CIB4: variants seen among roughly 807,000 people sequenced by gnomAD.
The protein encoded by CIB4 is calcium and integrin-binding family member 4.
In CIB4, 25 loss-of-function variants were observed where a neutral mutation model predicts 25.8. That is an observed-to-expected ratio of 0.97 (90% CI 0.71 to 1.35). CIB4 has a LOEUF of 1.35. CIB4 is among the 40% of genes most tolerant of loss of function. The pLI, the probability that CIB4 is intolerant of heterozygous loss-of-function variation, is 0.00. For synonymous variants in CIB4, 75 were observed against 81.4 expected (o/e 0.92, Z 0.42); for missense variants, 235 against 228.2 (o/e 1.03, Z -0.19).
chr2:26,607,471 G>A (rs1319256053), intron 3 of CIB4, among the ~76,000 whole-genome samples: 1 of 152,164 alleles, frequency 6.6e-6, no homozygotes, highest in East Asian at 1.9e-4. Flanking sequence ...AATAGCTTGT[G>A]ATCAACTCTA....
At chr2:26,590,166 C>T (rs567044069) in intron 4 of CIB4, among the ~76,000 whole-genome samples, 15 of 149,700 alleles carry the variant, frequency 1.0e-4, no homozygotes, top group African/African-American at 2.2e-4. Context: ...GCTGCTCATT[C>T]GAGCCATCCA....
chr2:26,637,452 A>G (rs1049134981), intron 2 of CIB4, among the ~76,000 whole-genome samples: 1 of 151,282 alleles, frequency 6.6e-6, no homozygotes, highest in African/African-American at 2.4e-5. Flanking sequence ...GTTTTTTTTA[A>G]TTCCTTTACT....
intron 3 of CIB4, among the ~76,000 whole-genome samples, chr2:26,599,458 G>A (rs1019706400): frequency 1.3e-5 from 2 of 152,008 alleles, no homozygotes; most frequent in Admixed American, 6.6e-5. Context: ...AAAGTCAGAG[G>A]AAAAATATTT....
rs868502487 is a variant in CIB4 at position 26,600,250 on chromosome 2, C to A, written c.187-4933G>T. On this transcript the variant is annotated intron_variant, in intron 3 of 6. Coordinates refer to ENST00000288861, the MANE Select transcript of CIB4 (RefSeq NM_001029881.3). ...CGAAACCCGTCTCTACTAAAAAATACAAAAATTAGCCAGGCGTGGTGGTGA... is the reference window on the plus strand; with the variant it reads ...CGAAACCCGTCTCTACTAAAAAATAAAAAAATTAGCCAGGCGTGGTGGTGA... Among the ~76,000 whole-genome samples the A allele has an allele frequency of 2.4e-4, 36 of 151,196 alleles. 1 individual carries two copies. Among genetic ancestry groups the A allele is most frequent in the African/African-American group, 7.8e-4 (32 of 41,006 alleles).
chr2:26,619,606 A>C (rs1669163231), intron 3 of CIB4, among the ~76,000 whole-genome samples: 1 of 152,204 alleles, frequency 6.6e-6, no homozygotes, highest in Admixed American at 6.5e-5. Context: ...ACCCACAAAA[A>C]CATAGAGACC....
intron 3 of CIB4, among the ~76,000 whole-genome samples, chr2:26,597,380 T>C (rs1226947552): frequency 6.6e-6 from 1 of 151,402 alleles, no homozygotes; most frequent in Non-Finnish European, 1.5e-5. Flanking sequence ...TTAAGACATA[T>C]AGCCCATGAC....
intron 3 of CIB4, among the ~76,000 whole-genome samples, chr2:26,598,608 C>T (rs1347023373): frequency 1.3e-5 from 2 of 152,122 alleles, no homozygotes; most frequent in East Asian, 1.9e-4. Context: ...ACCAGAGCTG[C>T]GATTGGGTCC....
chr2:26,641,139 G>A lies in CIB4; in HGVS notation c.54+122C>T, dbSNP rs922077844. The A allele has an allele frequency of 1.5e-5, 12 of 777,726 alleles. No individual in the cohort carries two copies. The Admixed American group carries it at 2.1e-4, about 14-fold the overall frequency. The allele number at this position is 777,726 out of a possible 1,614,324, so 48.2% of individuals were successfully genotyped here. A position where few individuals can be genotyped will look rare whatever the true frequency, so the allele number is the denominator to read the frequency against. On this transcript the variant is annotated intron_variant, in intron 1 of 6. Coordinates refer to ENST00000288861, the MANE Select transcript of CIB4 (RefSeq NM_001029881.3). ...CCCAAGACAATTCTTCTTCCAATGT[G>A]GCCCAGGGAAGCCAAAAATTGGACA...
At chr2:26,640,042 C>T (rs1332390898) in intron 2 of CIB4, among the ~76,000 whole-genome samples, 2 of 151,552 alleles carry the variant, frequency 1.3e-5, no homozygotes, top group Non-Finnish European at 2.9e-5. Flanking sequence ...CGGGGCTGCT[C>T]ACCACCCCAC....
chr2:26,583,380 C>A (rs537966251), intron 5 of CIB4, among the ~76,000 whole-genome samples: 13 of 152,150 alleles, frequency 8.5e-5, no homozygotes, highest in Admixed American at 2.0e-4. Context: ...CTCCAGGACA[C>A]CTGGGCACTG....
intron 2 of CIB4, among the ~76,000 whole-genome samples, chr2:26,632,832 T>C (rs769095689): frequency 2.6e-5 from 4 of 151,894 alleles, no homozygotes; most frequent in Non-Finnish European, 2.9e-5. Context: ...AAAGGAGCAT[T>C]TTGTCACTGT....
At chr2:26,598,498 G>A (rs1216526361) in intron 3 of CIB4, among the ~76,000 whole-genome samples, 1 of 152,156 alleles carries the variant, frequency 6.6e-6, no homozygotes, top group African/African-American at 2.4e-5. Context: ...CGGAGCAACT[G>A]GGCTTGGGAA....
chr2:26,596,944 G>A (rs867779668), intron 3 of CIB4, among the ~76,000 whole-genome samples: 1 of 152,158 alleles, frequency 6.6e-6, no homozygotes, highest in Non-Finnish European at 1.5e-5. Flanking sequence ...ACCTTTCCAT[G>A]ATGACAAGTA....
At chr2:26,586,508 C>G (rs1318910069) in intron 4 of CIB4, among the ~76,000 whole-genome samples, 1 of 152,218 alleles carries the variant, frequency 6.6e-6, no homozygotes, top group Admixed American at 6.5e-5. Flanking sequence ...TATTTCCCTC[C>G]ACTTGCATAT....
rs34295840 is a variant in CIB4, at chr2:26,608,239, CAAA to C, written c.187-12925_187-12923del. ...TGGGCAACAGAGTTAGACTCTGTCT[CAAA>C]AAAAAAAAAAAAAAAGGAGAGTGGG... On this transcript the variant is annotated intron_variant, in intron 3 of 6. Coordinates refer to ENST00000288861, the MANE Select transcript of CIB4 (RefSeq NM_001029881.3). Among the ~76,000 whole-genome samples the C allele has an allele frequency of 1.3e-3, 165 of 123,538 alleles. 1 individual carries two copies. The highest frequency in any genetic ancestry group is 4.2e-3 in the Middle Eastern group (1 of 238). The allele number at this position is 123,538 out of a possible 152,430, so 81.0% of individuals were successfully genotyped here. A position where few individuals can be genotyped will look rare whatever the true frequency, so the allele number is the denominator to read the frequency against.
chr2:26,598,782 C>A (rs1159719317), intron 3 of CIB4, among the ~76,000 whole-genome samples: 5 of 152,334 alleles, frequency 3.3e-5, no homozygotes, highest in African/African-American at 9.6e-5. Flanking sequence ...TGAGACAGAG[C>A]AGCTCCAGTC....
intron 3 of CIB4, among the ~76,000 whole-genome samples, chr2:26,597,426 T>TAAAA (rs374182652): frequency 7.2e-6 from 1 of 138,346 alleles, no homozygotes; most frequent in African/African-American, 2.6e-5. Context: ...CGACAGCTAT[T>TAAAA]AAAAAAAAAA....
At chr2:26,583,647 G>A in intron 5 of CIB4, 142 bp downstream of exon 5, 1 of 650,536 alleles carries the variant, frequency 1.5e-6, no homozygotes, top group Non-Finnish European at 2.8e-6. Flanking sequence ...GGGAATGTGT[G>A]CACCAAAGGC....
At chr2:26,622,286 A>G (rs1275678846) in intron 3 of CIB4, among the ~76,000 whole-genome samples, 1 of 152,076 alleles carries the variant, frequency 6.6e-6, no homozygotes, top group Non-Finnish European at 1.5e-5. Context: ...GCTTGAACCC[A>G]AGAGACAGAG....
Sources: gnomAD v4.1 joint callset for allele counts (sites outside exome capture counted in the v4.1 genomes callset) on GRCh38, gnomAD v4.1.1 for gene constraint, MANE v1.5 for transcripts, NCBI Gene and HGNC (gene_info 2026-07-23, HGNC 2026-07-21) for gene names.